The following GLI3 variants were observed in gnomAD, a reference collection of about 807,000 sequenced individuals.
GLI3 encodes transcription activator GLI3.
A neutral mutation model predicts 100.8 loss-of-function variants in GLI3; 20 were observed. The ratio of observed to expected loss-of-function variants is 0.20; its 90% CI spans 0.14 to 0.29. The LOEUF is 0.29. Ranked by LOEUF, GLI3 falls within the 10% of genes least tolerant of loss-of-function variation. GLI3 has a pLI of 1.00. For missense variants in GLI3, 2,040 were observed against 2,128.5 expected (o/e 0.96, Z 0.82); for synonymous variants, 938 against 860.5 (o/e 1.09, Z -1.58).
intron 4 of GLI3, among the ~76,000 whole-genome samples, chr7:42,051,410 A>C (rs1738965079): frequency 6.6e-6 from 1 of 152,204 alleles, no homozygotes; most frequent in Non-Finnish European, 1.5e-5. Context: ...CCTAGTATAT[A>C]CTGAATGCTC....
intron 2 of GLI3, among the ~76,000 whole-genome samples, chr7:42,207,567 C>T (rs1418939426): frequency 6.6e-6 from 1 of 152,090 alleles, no homozygotes; most frequent in African/African-American, 2.4e-5. Flanking sequence ...GTAGTCAAAG[C>T]ACACAGTTTT....
intron 2 of GLI3, among the ~76,000 whole-genome samples, chr7:42,195,642 T>C (rs1194384675): frequency 6.6e-6 from 1 of 152,208 alleles, no homozygotes; most frequent in Non-Finnish European, 1.5e-5. Context: ...ATTGCGGCAA[T>C]CATCACAATT....
intron 5 of GLI3, among the ~76,000 whole-genome samples, chr7:42,047,199 T>A (rs142715253): frequency 3.9e-5 from 6 of 152,246 alleles, no homozygotes; most frequent in Non-Finnish European, 8.8e-5. Flanking sequence ...GCAAAACTTA[T>A]TCTTTAGCTA....
intron 7 of GLI3, among the ~76,000 whole-genome samples, chr7:42,034,785 C>T (rs1382652605): frequency 6.6e-6 from 1 of 152,106 alleles, no homozygotes; most frequent in Non-Finnish European, 1.5e-5. Flanking sequence ...AGAACCCTTA[C>T]CAGCTCCTTT....
Position 41,963,613 on chromosome 7 carries a change from C to G in GLI3, c.*717G>C, listed in dbSNP as rs1030855505. The G allele has an allele frequency of 6.6e-6, 1 of 152,244 alleles. No homozygotes were observed. The highest frequency in any genetic ancestry group is 1.9e-4 in the East Asian group (1 of 5,202). 9.4% of individuals were successfully genotyped at this position (152,244 alleles called of 1,614,324 possible). A position where few individuals can be genotyped will look rare whatever the true frequency, so the allele number is the denominator to read the frequency against. The stretch of plus-strand genomic sequence containing the variant: ...ATCGACCATACAGACATAGCCTCCC[C>G]CAAAGCACACTTACAGACATGAAGA... On this transcript the variant is annotated 3_prime_UTR_variant, in exon 15 of 15. Transcript: ENST00000395925.
rs190171808 is a variant in GLI3, at chr7:42,061,875, C to T, written c.474-13179G>A. Reference sequence around the variant, plus strand: ...TTAGGGGTCTTGTTATCATGGCCTTCGGGAACTTTGCTCAAGACGTAGAGA... The same window carrying T: ...TTAGGGGTCTTGTTATCATGGCCTTTGGGAACTTTGCTCAAGACGTAGAGA... On this transcript the variant is annotated intron_variant, in intron 4 of 14. Transcript: ENST00000395925. Among the ~76,000 whole-genome samples the T allele has an allele frequency of 4.6e-3, 707 of 152,224 alleles. 5 individuals carry two copies. The highest frequency in any genetic ancestry group is 0.015 in the African/African-American group (612 of 41,514).
intron 2 of GLI3, among the ~76,000 whole-genome samples, chr7:42,175,206 C>T (rs9692185): frequency 0.25 from 38,293 of 152,144 alleles, 5,206 homozygotes; most frequent in South Asian, 0.34. Context: ...ACCATTGATG[C>T]TAGCATGAAT....
At chr7:42,208,599 C>A (rs1788202761) in intron 2 of GLI3, among the ~76,000 whole-genome samples, 2 of 152,298 alleles carry the variant, frequency 1.3e-5, no homozygotes, top group South Asian at 4.1e-4. Flanking sequence ...TTATTGTACT[C>A]TTGGTTTTGT....
upstream of GLI3, among the ~76,000 whole-genome samples, chr7:42,264,214 G>T (rs978834856): frequency 2.0e-5 from 3 of 152,170 alleles, no homozygotes; most frequent in African/African-American, 7.2e-5. Flanking sequence ...TCTTGGCAGA[G>T]GGCACTGGAG....
At chr7:42,133,049 G>T (rs1188906860) in intron 3 of GLI3, among the ~76,000 whole-genome samples, 1 of 151,998 alleles carries the variant, frequency 6.6e-6, no homozygotes, top group Non-Finnish European at 1.5e-5. Context: ...TACAATTTCA[G>T]AACACCAAAA....
intron 4 of GLI3, among the ~76,000 whole-genome samples, chr7:42,060,822 T>C (rs1784552900): frequency 6.6e-6 from 1 of 152,198 alleles, no homozygotes; most frequent in Non-Finnish European, 1.5e-5. Flanking sequence ...GTGACATTTG[T>C]TTGTATAGGT....
chr7:42,167,879 G>T (rs978289028), intron 2 of GLI3, among the ~76,000 whole-genome samples: 3 of 152,160 alleles, frequency 2.0e-5, no homozygotes, highest in Non-Finnish European at 2.9e-5. Context: ...TCTGCCAAAA[G>T]ATCACACAGC....
At chr7:42,070,480 G>T (rs2128750072) in intron 4 of GLI3, among the ~76,000 whole-genome samples, 1 of 152,318 alleles carries the variant, frequency 6.6e-6, no homozygotes, top group Admixed American at 6.5e-5. Context: ...CCGGAGCAAG[G>T]GTGTGGAGTC....
chr7:42,134,289 C>T (rs551586214), intron 3 of GLI3, among the ~76,000 whole-genome samples: 7 of 152,180 alleles, frequency 4.6e-5, no homozygotes, highest in Non-Finnish European at 8.8e-5. Context: ...GAAATATTAA[C>T]TTCAAATAAC....
chr7:41,964,843 A>C lies in GLI3; in HGVS notation c.4230T>G (p.Ser1410Arg), dbSNP rs757787594. 1.9e-6 allele frequency: 3 copies of C among 1,613,928 alleles called. No individual in the cohort carries two copies. The highest frequency in any genetic ancestry group is 2.5e-6 in the Non-Finnish European group (3 of 1,180,010). Residue 1410 changes from serine to arginine, a missense_variant, in exon 15 of 15, where the codon AGT becomes AGG. Physicochemically the swap from Ser to Arg is moderately radical, Grantham distance 110 (BLOSUM62 -1). Coordinates refer to ENST00000395925, the MANE Select transcript of GLI3 (RefSeq NM_000168.6). Reference sequence around the variant, plus strand: ...TCACCCTGCAGGTCTGACTTGTGTCACTGAGCTGTCCTGACTGCAGAGCAA... The same window carrying C: ...TCACCCTGCAGGTCTGACTTGTGTCCCTGAGCTGTCCTGACTGCAGAGCAA... ...DSLALQSGQL[S>R]DTSQTCRVNG...
At chr7:41,990,371 G>A (rs1188645980) in intron 10 of GLI3, among the ~76,000 whole-genome samples, 2 of 152,094 alleles carry the variant, frequency 1.3e-5, no homozygotes, top group East Asian at 1.9e-4. Flanking sequence ...AACATGCAGT[G>A]TGATTCCAAG....
chr7:42,176,471 C>T (rs1294992557), intron 2 of GLI3, among the ~76,000 whole-genome samples: 1 of 151,972 alleles, frequency 6.6e-6, no homozygotes, highest in East Asian at 1.9e-4. Context: ...CCTGTTCCTT[C>T]TGCAGTCAGA....
At chr7:42,249,824 G>C (rs1051182691) in intron 1 of GLI3, among the ~76,000 whole-genome samples, 1 of 152,100 alleles carries the variant, frequency 6.6e-6, no homozygotes, top group East Asian at 1.9e-4. Context: ...GCCAGGCACG[G>C]TGGCTCACAC....
chr7:42,212,917 C>T (rs912268607), intron 2 of GLI3, among the ~76,000 whole-genome samples: 3 of 152,220 alleles, frequency 2.0e-5, no homozygotes, highest in Non-Finnish European at 4.4e-5. Flanking sequence ...AGAGCCACCT[C>T]ATTAAATCCA....
Sources: allele counts gnomAD v4.1 joint callset (sites outside exome capture counted in the v4.1 genomes callset), GRCh38; gene constraint gnomAD v4.1.1; transcripts MANE v1.5; gene names NCBI Gene and HGNC (gene_info 2026-07-23, HGNC 2026-07-21).